ERAP1: variants seen among roughly 807,000 people sequenced by gnomAD.
The protein encoded by ERAP1 is endoplasmic reticulum aminopeptidase 1, also known as adipocyte-derived leucine aminopeptidase.
ERAP1 carries 86 observed loss-of-function variants against 103.7 expected under a neutral mutation model. The ratio of observed to expected loss-of-function variants is 0.83; its 90% confidence interval spans 0.70 to 0.99. The LOEUF (loss-of-function observed/expected upper bound fraction) is 0.99. Ranked by LOEUF, ERAP1 falls within the 50% of genes least tolerant of loss-of-function variation. The pLI, the probability that ERAP1 is intolerant of heterozygous loss-of-function variation, is 0.00. For synonymous variants in ERAP1, 398 were observed against 402.4 expected (o/e 0.99, Z 0.13); for missense variants, 1,009 against 1,128.4 (o/e 0.89, Z 1.52).
At chr5:96,861,241 C>A in the ERAP1 span, among the ~76,000 whole-genome samples, 1 of 152,206 alleles carries the variant, frequency 6.6e-6, no homozygotes, top group Non-Finnish European at 1.5e-5. Context: ...CTTCCAGAAG[C>A]AGGTGGCATC....
At chr5:96,766,927 T>C (rs1454746921) in intron 19 of ERAP1, among the ~76,000 whole-genome samples, 1 of 152,198 alleles carries the variant, frequency 6.6e-6, no homozygotes, top group Non-Finnish European at 1.5e-5. Context: ...CAATTCTCCT[T>C]GCTTGCATTC....
the ERAP1 span, chr5:96,892,215 A>G: frequency 7.3e-7 from 1 of 1,367,054 alleles, no homozygotes; most frequent in Non-Finnish European, 1.0e-6. Flanking sequence ...TGCTTAAAGG[A>G]TCATAGTGTA....
chr5:96,845,688 A>G, the ERAP1 span, among the ~76,000 whole-genome samples: 1 of 150,314 alleles, frequency 6.7e-6, no homozygotes, highest in African/African-American at 2.4e-5. Flanking sequence ...TACTGCTCAT[A>G]TTCTGCAATT....
the ERAP1 span, among the ~76,000 whole-genome samples, chr5:96,929,911 C>T: frequency 6.6e-6 from 1 of 152,032 alleles, no homozygotes; most frequent in Admixed American, 6.6e-5. Context: ...GTGTTTATAA[C>T]CTTTAGTGGA....
the ERAP1 span, among the ~76,000 whole-genome samples, chr5:96,894,599 A>G: frequency 3.9e-5 from 6 of 152,216 alleles, no homozygotes; most frequent in African/African-American, 1.4e-4. Flanking sequence ...CAGATCAAAT[A>G]TAGGTAAAGG....
At chr5:96,815,538 A>AG in the ERAP1 span, among the ~76,000 whole-genome samples, 1 of 150,680 alleles carries the variant, frequency 6.6e-6, no homozygotes, top group South Asian at 2.1e-4. Flanking sequence ...CAGCCTCCTG[A>AG]GTAGCTGGGA....
chr5:96,783,818 T>TAC lies in ERAP1; in HGVS notation c.2100+104_2100+105dup, dbSNP rs3076640. The TAC allele has an allele frequency of 2.9e-3, 2,323 of 803,120 alleles. 5 individuals carry two copies. The East Asian group carries it at 0.031, about 11-fold the overall frequency. 49.7% of individuals were successfully genotyped at this position (803,120 alleles called of 1,614,324 possible). A position where few individuals can be genotyped will look rare whatever the true frequency, so the allele number is the denominator to read the frequency against. On this transcript the variant is annotated intron_variant, in intron 14 of 18. Transcript: ENST00000443439. ...CTTTTCCTTAATATGTATATAAAGATACACACACACACACACACACACACA... is the reference window on the plus strand; with the variant it reads ...CTTTTCCTTAATATGTATATAAAGATACACACACACACACACACACACACACA...
chr5:96,851,095 A>C, the ERAP1 span, among the ~76,000 whole-genome samples: 7,274 of 152,282 alleles, frequency 0.048, 214 homozygotes, highest in South Asian at 0.11. Context: ...CATGAACATT[A>C]TTTCTGGTAA....
chr5:96,840,610 A>G, the ERAP1 span, among the ~76,000 whole-genome samples: 1 of 152,186 alleles, frequency 6.6e-6, no homozygotes, highest in Non-Finnish European at 1.5e-5. Flanking sequence ...AATCCTGGTT[A>G]TATATTAGAG....
chr5:96,767,809 T>C (rs1770552076), intron 19 of ERAP1: 2 of 728,042 alleles, frequency 2.7e-6, no homozygotes, highest in East Asian at 2.6e-5. Context: ...TTTTTTCTTA[T>C]AGAAACATCT....
At chr5:96,881,169 G>C in the ERAP1 span, 1 of 318,050 alleles carries the variant, frequency 3.1e-6, no homozygotes, top group Non-Finnish European at 6.2e-6. Flanking sequence ...AGATGAAATG[G>C]GAAATCACTG....
the ERAP1 span, among the ~76,000 whole-genome samples, chr5:96,861,611 T>C: frequency 1.3e-5 from 2 of 152,342 alleles, no homozygotes; most frequent in South Asian, 2.1e-4. Context: ...TAAGCACTAA[T>C]ATCTCTGGAG....
intron 8 of ERAP1, among the ~76,000 whole-genome samples, chr5:96,791,240 G>T (rs1319983200): frequency 6.6e-6 from 1 of 152,184 alleles, no homozygotes; most frequent in Non-Finnish European, 1.5e-5. Flanking sequence ...ACCACGGATG[G>T]TGAGTCACAA....
the ERAP1 span, chr5:96,901,706 T>A: frequency 6.2e-7 from 1 of 1,606,602 alleles, no homozygotes. Context: ...TCTTTAGGTC[T>A]AGCTTACCTC....
At chr5:96,932,055 G>T in the ERAP1 span, among the ~76,000 whole-genome samples, 1 of 152,028 alleles carries the variant, frequency 6.6e-6, no homozygotes, top group Admixed American at 6.5e-5. Context: ...TTTTGCTAAT[G>T]CCTAAGCTCT....
chr5:96,815,561 G>A, the ERAP1 span, among the ~76,000 whole-genome samples: 9 of 151,742 alleles, frequency 5.9e-5, no homozygotes, highest in South Asian at 2.1e-4. Flanking sequence ...ACAGGCATGC[G>A]CCACCACATC....
At chr5:96,883,925 C>T in the ERAP1 span, 6 of 1,595,978 alleles carry the variant, frequency 3.8e-6, no homozygotes, top group South Asian at 6.9e-5. Flanking sequence ...ATCCAACATG[C>T]CAAAGGTATG....
the ERAP1 span, among the ~76,000 whole-genome samples, chr5:96,903,718 C>T: frequency 2.6e-5 from 4 of 151,944 alleles, no homozygotes; most frequent in African/African-American, 9.7e-5. Context: ...CCACTAATAA[C>T]GTATTTTGAC....
At chr5:96,866,481 C>T in the ERAP1 span, among the ~76,000 whole-genome samples, 2 of 152,156 alleles carry the variant, frequency 1.3e-5, no homozygotes, top group Non-Finnish European at 2.9e-5. Context: ...TTATAACCAA[C>T]ATTCATTAAG....
Sources: gnomAD v4.1 joint callset for allele counts (sites outside exome capture counted in the v4.1 genomes callset) on GRCh38, gnomAD v4.1.1 for gene constraint, MANE v1.5 for transcripts, NCBI Gene and HGNC (gene_info 2026-07-23, HGNC 2026-07-21) for gene names.